Variants in UCHL5 observed in about 807,000 individuals in gnomAD.
UCHL5 encodes ubiquitin carboxyl-terminal hydrolase isozyme L5.
Under a neutral mutation model 53.8 loss-of-function variants are expected in UCHL5, and 34 were observed. That is an observed-to-expected ratio of 0.63 (90% confidence interval 0.48 to 0.84). The LOEUF (loss-of-function observed/expected upper bound fraction) is 0.84. UCHL5 is among the 40% of genes least tolerant of loss of function. The probability of loss-of-function intolerance (pLI) is 0.00; values close to 1 mark genes in which losing one functional copy is unlikely to be tolerated. For missense variants in UCHL5, 290 were observed against 385.6 expected (o/e 0.75, Z 2.08); for synonymous variants, 111 against 126.3 (o/e 0.88, Z 0.81).
In UCHL5 at chr1:193,029,629, G is replaced by C. The variant is rs1558051571; in HGVS notation, c.275C>G (p.Ala92Gly). 1.2e-6 allele frequency: 2 copies of C among 1,611,046 alleles called. No individual in the cohort carries two copies. The highest frequency in any genetic ancestry group is 1.7e-6 in the Non-Finnish European group (2 of 1,178,526). The change falls in exon 4 of 11, where the codon GCC becomes GGC. Residue 92 changes from alanine (A) to glycine (G), a missense_variant. Coordinates refer to ENST00000367454, the MANE Select transcript of UCHL5 (RefSeq NM_001199261.3). ...QVINNACATQAIVSVLLNCTH... is the reference protein window; with the variant it reads ...QVINNACATQGIVSVLLNCTH... ...ACAGTTCAGTAACACACTCACTATG[G>C]CTTGAGTAGCACAAGCATTATTAAT...
intron 10 of UCHL5, chr1:193,019,842 A>G (rs1446126971): frequency 6.3e-6 from 6 of 951,658 alleles, no homozygotes; most frequent in East Asian, 1.2e-4. Flanking sequence ...TATACATTTA[A>G]TATTTATCTA....
At chr1:193,042,502 T>A (rs369763759) in intron 3 of UCHL5, among the ~76,000 whole-genome samples, 33 of 152,220 alleles carry the variant, frequency 2.2e-4, no homozygotes, top group African/African-American at 6.8e-4. Flanking sequence ...ACAGCCATCA[T>A]CATAATGTCA....
In UCHL5 at chr1:193,014,500, G is replaced by GTGACCTAAGAAACCTTTGGC. The variant is rs1654606182; in HGVS notation, c.*1831_*1850dup. On this transcript the variant is annotated 3_prime_UTR_variant, in exon 11 of 11. Coordinates refer to ENST00000367454, the MANE Select transcript of UCHL5 (RefSeq NM_001199261.3). Reference sequence around the variant, plus strand: ...GGATCTTTTATGGTTACTGCTTTCTGTGACCTAAGAAACCTTTGGCTAACC... The same window carrying GTGACCTAAGAAACCTTTGGC: ...GGATCTTTTATGGTTACTGCTTTCTGTGACCTAAGAAACCTTTGGCTGACCTAAGAAACCTTTGGCTAACC... The GTGACCTAAGAAACCTTTGGC allele has an allele frequency of 6.6e-6, 1 of 152,016 alleles. No individual in the cohort carries two copies. The allele number at this position is 152,016 out of a possible 1,614,324, so 9.4% of individuals were successfully genotyped here.
In UCHL5 at chr1:193,023,174, C is replaced by G. The variant is rs147454659; in HGVS notation, c.733-138G>C. 260 of 618,574 alleles carry G rather than the reference C, an allele frequency of 4.2e-4. 1 individual carries two copies. The African/African-American group carries it at 4.5e-3, about 11-fold the overall frequency. The allele number at this position is 618,574 out of a possible 1,614,324, so 38.3% of individuals were successfully genotyped here. On this transcript the variant is annotated intron_variant, in intron 8 of 10. Coordinates refer to ENST00000367454, the MANE Select transcript of UCHL5 (RefSeq NM_001199261.3). ...TGATAGCAGCATGCCCGCCTAACAG[C>G]AGCATTAAAGGATAAAAGCCCCAAA...
intron 10 of UCHL5, chr1:193,020,068 C>T: frequency 1.0e-6 from 1 of 984,800 alleles, no homozygotes; most frequent in Non-Finnish European, 1.2e-6. Flanking sequence ...TTAGAATACA[C>T]CCTGAGATGC....
Position 193,029,185 on chromosome 1 carries a change from C to T in UCHL5, c.559G>A (p.Asp187Asn). The change falls in exon 6 of 11, where the codon GAT (aspartate) becomes AAT (asparagine). Residue 187 changes from aspartate to asparagine, a missense_variant. Asp to Asn is a conservative substitution (Grantham distance 23). Transcript: ENST00000367454. ...GGAACAGGAACTGCATTACCTAAAT[C>T]AATCGGTCCTTCTCTTAATCCATCT... ...ELDGLREGPI[D>N]LGACNQDDWI... 6.2e-7 allele frequency: 1 copy of T among 1,612,110 alleles called. No individual in the cohort carries two copies. Among genetic ancestry groups the T allele is most frequent in the Non-Finnish European group, 8.5e-7 (1 of 1,179,380 alleles).
rs1654816484 is a variant in UCHL5, at chr1:193,015,848, T to A, written c.*503A>T. 1 of 152,228 alleles carries A rather than the reference T, an allele frequency of 6.6e-6. No homozygotes were observed. The highest frequency in any genetic ancestry group is 1.5e-5 in the Non-Finnish European group (1 of 68,074). The allele number at this position is 152,228 out of a possible 1,614,324, so 9.4% of individuals were successfully genotyped here. Reference sequence around the variant, plus strand: ...TTATACTTTTGTCCTTTTTAAATGATTTACATTAAAATCATACTTTCTCAA... The same window carrying A: ...TTATACTTTTGTCCTTTTTAAATGAATTACATTAAAATCATACTTTCTCAA... On this transcript the variant is annotated 3_prime_UTR_variant, in exon 11 of 11. Coordinates refer to ENST00000367454, the MANE Select transcript of UCHL5 (RefSeq NM_001199261.3).
intron 10 of UCHL5, among the ~76,000 whole-genome samples, chr1:193,017,094 C>A (rs1440415828): frequency 1.3e-5 from 2 of 151,676 alleles, no homozygotes; most frequent in Admixed American, 6.6e-5. Flanking sequence ...AATGTATATA[C>A]CAATGACTTA....
At chr1:193,056,935 T>G (rs1670792354) in intron 1 of UCHL5, among the ~76,000 whole-genome samples, 1 of 152,230 alleles carries the variant, frequency 6.6e-6, no homozygotes, top group Non-Finnish European at 1.5e-5. Context: ...TGATTTTTCA[T>G]ATGTGCATGT....
chr1:193,028,275 TTAGTA>T (rs1173769288), intron 6 of UCHL5, 127 bp from the exon 7 acceptor site: 5 of 678,324 alleles, frequency 7.4e-6, no homozygotes, highest in Non-Finnish European at 1.2e-5. Flanking sequence ...AAAACTCTTT[TTAGTA>T]TAATTATGTT....
At chr1:193,048,847 G>A (rs1054261572) in intron 3 of UCHL5, among the ~76,000 whole-genome samples, 1 of 152,132 alleles carries the variant, frequency 6.6e-6, no homozygotes, top group African/African-American at 2.4e-5. Flanking sequence ...ATGTTAACAT[G>A]TAACAAGTTT....
chr1:193,016,476 A>G, intron 10 of UCHL5, 81 bp from the exon 11 acceptor site: 1 of 1,298,000 alleles, frequency 7.7e-7, no homozygotes, highest in Admixed American at 2.3e-5. Flanking sequence ...CTAAGAGGGT[A>G]TTCTCAAGCT....
intron 3 of UCHL5, among the ~76,000 whole-genome samples, chr1:193,039,373 C>T (rs1409200853): frequency 6.6e-6 from 1 of 152,116 alleles, no homozygotes; most frequent in African/African-American, 2.4e-5. Context: ...CGTGCCACTA[C>T]ATTCCAGCCT....
At chr1:193,051,386 A>G (rs1668985926) in intron 2 of UCHL5, among the ~76,000 whole-genome samples, 1 of 151,892 alleles carries the variant, frequency 6.6e-6, no homozygotes, top group Admixed American at 6.6e-5. Context: ...TATCTATCAA[A>G]TATGCTTTAG....
rs1209340749 is a variant in UCHL5 at position 193,015,117 on chromosome 1, A to G, written c.*1234T>C. ...TGAAAAATATTTCATTCGTTTTTCT[A>G]TCAATTTCCTATCAGGTTTTTCTCC... On this transcript the variant is annotated 3_prime_UTR_variant, in exon 11 of 11. Transcript: ENST00000367454. 1 of 152,044 alleles carries G rather than the reference A, an allele frequency of 6.6e-6. No homozygotes were observed. Among genetic ancestry groups the G allele is most frequent in the African/African-American group, 2.4e-5 (1 of 41,438 alleles). The allele number at this position is 152,044 out of a possible 1,614,324, so 9.4% of individuals were successfully genotyped here.
rs1668473404 is a variant in UCHL5 at position 193,049,903 on chromosome 1, A to G, written c.141-52T>C. 3.4e-6 allele frequency: 5 copies of G among 1,451,118 alleles called. No individual in the cohort carries two copies. The African/African-American group carries it at 5.7e-5, about 16-fold the overall frequency. The allele number at this position is 1,451,118 out of a possible 1,614,324, so 89.9% of individuals were successfully genotyped here. ...CATCAAACCCTGCTTCTTTCATAAT[A>G]CATTGTTAATCTATAAAATTTTAGT... is the stretch of plus-strand genomic sequence containing the variant. On this transcript the variant is annotated intron_variant, in intron 2 of 10. Transcript: ENST00000367454.
chr1:193,049,373 G>GCACTCTGGCC (rs1467403210), intron 3 of UCHL5, among the ~76,000 whole-genome samples: 2 of 152,034 alleles, frequency 1.3e-5, no homozygotes, highest in Non-Finnish European at 2.9e-5. Context: ...TCGCACCATT[G>GCACTCTGGCC]CACTCTGGCC....
upstream of UCHL5, chr1:193,059,872 A>G (rs775324725): frequency 2.9e-6 from 4 of 1,364,746 alleles, no homozygotes; most frequent in Middle Eastern, 2.1e-4. The surrounding 1 kb of genome is among the most constrained non-coding windows in gnomAD (Gnocchi z 4.9). Flanking sequence ...CCCGCATCCC[A>G]GGGGTTGAGG....
chr1:193,053,290 T>C (rs767894818), intron 1 of UCHL5, among the ~76,000 whole-genome samples: 13 of 152,042 alleles, frequency 8.6e-5, no homozygotes, highest in Non-Finnish European at 1.8e-4. Context: ...CTATTGGAAA[T>C]CAAAAAACAG....
Sources: allele counts gnomAD v4.1 joint callset (sites outside exome capture counted in the v4.1 genomes callset), GRCh38; gene constraint gnomAD v4.1.1; non-coding constraint Gnocchi (gnomAD v3.1); transcripts MANE v1.5; gene names NCBI Gene and HGNC (gene_info 2026-07-23, HGNC 2026-07-21).